The following HDAC9 variants were observed in gnomAD, a reference collection of about 807,000 sequenced individuals.
HDAC9 encodes MEF-2 interacting transcription repressor (MITR) protein.
HDAC9 carries 41 observed loss-of-function variants against 139.4 expected under a neutral mutation model. The ratio of observed to expected loss-of-function variants is 0.29; its 90% confidence interval spans 0.23 to 0.38. The LOEUF (loss-of-function observed/expected upper bound fraction) is 0.38, where lower values mean the gene tolerates loss of function less well. Among genes scored for constraint, HDAC9 ranks in the 10% least tolerant of loss-of-function variants. The probability of loss-of-function intolerance (pLI) is 1.00; values close to 1 mark genes in which losing one functional copy is unlikely to be tolerated. For missense variants in HDAC9, 1,147 were observed against 1,297.0 expected (o/e 0.88, Z 1.78); for synonymous variants, 517 against 476.2 (o/e 1.09, Z -1.12).
chr7:18,786,271 G>C (rs1221512667), intron 16 of HDAC9, among the ~76,000 whole-genome samples: 4 of 152,178 alleles, frequency 2.6e-5, no homozygotes, highest in African/African-American at 9.6e-5. Context: ...TTATGTAGTA[G>C]CTAAGTTTTA....
chr7:18,094,867 G>A (rs1782400732), intron 1 of HDAC9, among the ~76,000 whole-genome samples: 1 of 152,128 alleles, frequency 6.6e-6, no homozygotes. Flanking sequence ...AACAGGAATA[G>A]CCAGCCTGAG....
At chr7:18,583,916 C>T (rs556982615) in intron 2 of HDAC9, among the ~76,000 whole-genome samples, 1 of 152,130 alleles carries the variant, frequency 6.6e-6, no homozygotes, top group African/African-American at 2.4e-5. Context: ...CACAGTTTCC[C>T]CTCCAAAATT....
intron 11 of HDAC9, among the ~76,000 whole-genome samples, chr7:18,664,310 A>G (rs1303463751): frequency 6.6e-6 from 1 of 152,160 alleles, no homozygotes; most frequent in Non-Finnish European, 1.5e-5. Context: ...AAGGAAATTC[A>G]TATTCAAATT....
chr7:18,725,504 G>C (rs1785474315), intron 12 of HDAC9, among the ~76,000 whole-genome samples: 3 of 152,092 alleles, frequency 2.0e-5, no homozygotes, highest in East Asian at 3.9e-4. Flanking sequence ...TTAATGTCTT[G>C]CTTACTGCAG....
chr7:18,645,140 C>G (rs905483674), intron 9 of HDAC9, among the ~76,000 whole-genome samples: 1 of 152,068 alleles, frequency 6.6e-6, no homozygotes, highest in Admixed American at 6.6e-5. Context: ...GAAGCTGAGA[C>G]TTGGAGAGTT....
At chr7:18,626,362 C>T (rs187209534) in intron 6 of HDAC9, among the ~76,000 whole-genome samples, 1 of 152,282 alleles carries the variant, frequency 6.6e-6, no homozygotes, top group Admixed American at 6.5e-5. Context: ...TGAAATCCAA[C>T]CAGCAAAGAA....
chr7:18,393,574 C>T (rs749772958), intron 1 of HDAC9, among the ~76,000 whole-genome samples: 3 of 152,034 alleles, frequency 2.0e-5, no homozygotes, highest in Non-Finnish European at 2.9e-5. Context: ...GAACTGTGAA[C>T]AGAAAGACTC....
intron 8 of HDAC9, among the ~76,000 whole-genome samples, chr7:18,643,178 G>C (rs1441166319): frequency 6.6e-6 from 1 of 152,076 alleles, no homozygotes; most frequent in Non-Finnish European, 1.5e-5. Flanking sequence ...ATGAGTAAAA[G>C]AGTAGCTTGC....
At chr7:18,293,867 C>T (rs576275082) in intron 1 of HDAC9, among the ~76,000 whole-genome samples, 1 of 151,978 alleles carries the variant, frequency 6.6e-6, no homozygotes, top group East Asian at 1.9e-4. Context: ...TATGTCACTG[C>T]TATTATTAAA....
rs746396827 is a variant in HDAC9, at chr7:18,631,455, A to T, written c.796+1974A>T. 1.1e-4 allele frequency among the ~76,000 whole-genome samples: 16 copies of T among 152,058 alleles called. No individual in the cohort carries two copies. The South Asian group carries it at 1.7e-3, about 16-fold the overall frequency. ...CCTTCCCATTGCTCTGCCAACTTTC[A>T]TCTAGTTTGGATGAGATTTGTTTGG... is the stretch of plus-strand genomic sequence containing the variant. On this transcript the variant is annotated intron_variant, in intron 7 of 25. Transcript: ENST00000686413.
intron 24 of HDAC9, among the ~76,000 whole-genome samples, chr7:18,966,277 C>A (rs1315633434): frequency 6.6e-6 from 1 of 152,136 alleles, no homozygotes; most frequent in Non-Finnish European, 1.5e-5. Context: ...CTCACGAATA[C>A]CAGTTGTAAA....
chr7:18,462,869 A>G lies in HDAC9; in HGVS notation c.-41-33393A>G, dbSNP rs897647670. Among the ~76,000 whole-genome samples the G allele has an allele frequency of 3.9e-5, 6 of 151,940 alleles. No homozygotes were observed. The East Asian group carries it at 1.2e-3, about 29-fold the overall frequency. On this transcript the variant is annotated intron_variant, in intron 1 of 3. Transcript: ENST00000413509. ...TGCTGTTTTTCCTATGCATAGGGAA[A>G]ACTTTATATGCCATTAATATGCCAT...
intron 16 of HDAC9, among the ~76,000 whole-genome samples, chr7:18,791,749 G>A (rs1792330972): frequency 6.6e-6 from 1 of 152,150 alleles, no homozygotes; most frequent in South Asian, 2.1e-4. Context: ...AAGCCACAGT[G>A]TACTCATTCA....
At chr7:18,958,731 C>A (rs1036205452) in intron 24 of HDAC9, among the ~76,000 whole-genome samples, 1 of 152,076 alleles carries the variant, frequency 6.6e-6, no homozygotes, top group Non-Finnish European at 1.5e-5. Context: ...TTCTTCTAAG[C>A]CTGCGTTGAT....
At chr7:18,355,271 C>T (rs958246967) in intron 1 of HDAC9, among the ~76,000 whole-genome samples, 2 of 151,934 alleles carry the variant, frequency 1.3e-5, no homozygotes, top group African/African-American at 4.8e-5. Flanking sequence ...CACAGAAATT[C>T]AAGAGCTGGA....
chr7:18,931,382 A>T (rs1804730257), intron 22 of HDAC9, among the ~76,000 whole-genome samples: 1 of 152,204 alleles, frequency 6.6e-6, no homozygotes, highest in African/African-American at 2.4e-5. Flanking sequence ...AATGAGGTCC[A>T]TAGGAATTGA....
chr7:18,470,078 T>C (rs1180236454), intron 1 of HDAC9, among the ~76,000 whole-genome samples: 1 of 152,138 alleles, frequency 6.6e-6, no homozygotes, highest in African/African-American at 2.4e-5. Context: ...TGGCTCTCAC[T>C]TGTAATTCCA....
chr7:18,963,596 TAA>T (rs930279350), intron 24 of HDAC9, among the ~76,000 whole-genome samples: 4 of 152,146 alleles, frequency 2.6e-5, no homozygotes, highest in Non-Finnish European at 5.9e-5. Context: ...TGATAATAGA[TAA>T]AGAGTATTCA....
At chr7:18,124,690 ATTTG>A (rs1784547426) in intron 1 of HDAC9, among the ~76,000 whole-genome samples, 2 of 151,940 alleles carry the variant, frequency 1.3e-5, no homozygotes, top group Non-Finnish European at 2.9e-5. Context: ...TTATTTATGT[ATTTG>A]TTTATTTATT....
Sources: allele counts gnomAD v4.1 joint callset (sites outside exome capture counted in the v4.1 genomes callset), GRCh38; gene constraint gnomAD v4.1.1; transcripts MANE v1.5; gene names NCBI Gene and HGNC (gene_info 2026-07-23, HGNC 2026-07-21).